CXXC5: variants seen among roughly 807,000 people sequenced by gnomAD.
The protein encoded by CXXC5 is CXXC finger protein 5.
CXXC5 carries 2 observed loss-of-function variants against 17.6 expected under a neutral mutation model. The observed-to-expected ratio is 0.11, with a 90% CI of 0.05 to 0.36. The LOEUF (loss-of-function observed/expected upper bound fraction) is 0.36. CXXC5 is among the 10% of genes least tolerant of loss of function. The pLI is 1.00. For synonymous variants in CXXC5, 171 were observed against 193.0 expected, an observed-to-expected ratio of 0.89 and a Z score of 0.94; for missense variants, 343 against 458.3, an observed-to-expected ratio of 0.75 and a Z score of 2.30.
chr5:139,682,323 A>AGCCCC (rs1561552990), intron 2 of CXXC5, among the ~76,000 whole-genome samples: 1 of 128,270 alleles, frequency 7.8e-6, no homozygotes, highest in Non-Finnish European at 1.6e-5. Context: ...ACCCTCCCCC[A>AGCCCC]ACCCCAGCCC....
intron 1 of CXXC5, among the ~76,000 whole-genome samples, chr5:139,650,780 TC>T (rs1755127349): frequency 6.6e-6 from 1 of 152,124 alleles, no homozygotes; most frequent in Non-Finnish European, 1.5e-5. Context: ...CGAAGCCCCC[TC>T]TAAACCCCTT....
In CXXC5 at chr5:139,670,190, C is replaced by T. The variant is rs957783212; in HGVS notation, c.-160-10174C>T. ...CCTCCCTCCCTCCTCCTCAGCCTCC[C>T]GCCTCTCGCCTGCCTCCCCCACGCC... On this transcript the variant is annotated intron_variant, in intron 1 of 2. Coordinates refer to ENST00000302517, the MANE Select transcript of CXXC5 (RefSeq NM_016463.9). This position sits in a 1 kb window ranked among gnomAD's most constrained non-coding sequence, Gnocchi z 4.2. Among the ~76,000 whole-genome samples, 4 of 152,234 alleles carry T rather than the reference C, an allele frequency of 2.6e-5. No individual in the cohort carries two copies. Among genetic ancestry groups the T allele is most frequent in the East Asian group, 3.8e-4 (2 of 5,196 alleles).
At chr5:139,662,339 C>T (rs1319811176) in intron 1 of CXXC5, among the ~76,000 whole-genome samples, 3 of 152,114 alleles carry the variant, frequency 2.0e-5, no homozygotes, top group South Asian at 2.1e-4. Flanking sequence ...AGGGTATGCC[C>T]TCAGGGAGCC....
chr5:139,649,651 C>G (rs1755060457), intron 1 of CXXC5: 2 of 152,318 alleles, frequency 1.3e-5, no homozygotes. Context: ...CCCTCCTTTC[C>G]CAGCCTTGGG....
At chr5:139,667,823 A>G (rs1264940425) in intron 1 of CXXC5, among the ~76,000 whole-genome samples, 1 of 152,148 alleles carries the variant, frequency 6.6e-6, no homozygotes, top group African/African-American at 2.4e-5. Flanking sequence ...GATCACGCAT[A>G]TGTTGTTCTC....
At chr5:139,682,811 A>C (rs1430964140) in intron 2 of CXXC5, 52 bp from the exon 3 acceptor site, 5 of 1,545,882 alleles carry the variant, frequency 3.2e-6, no homozygotes, top group Non-Finnish European at 4.4e-6. Context: ...CTCCAGGCCT[A>C]CCCGGACCCT....
At chr5:139,655,782 T>G (rs1332149781) in intron 1 of CXXC5, among the ~76,000 whole-genome samples, 2 of 132,376 alleles carry the variant, frequency 1.5e-5, no homozygotes, top group Admixed American at 8.1e-5. Context: ...CGGCCGGCCG[T>G]GAGAGCTGGT....
chr5:139,682,813 C>A (rs767664298), intron 2 of CXXC5, 50 bp from the exon 3 acceptor site: 2 of 1,552,406 alleles, frequency 1.3e-6, no homozygotes, highest in Non-Finnish European at 1.7e-6. Context: ...CCAGGCCTAC[C>A]CGGACCCTGA....
At chr5:139,680,200 T>C (rs1757098006) in intron 1 of CXXC5, among the ~76,000 whole-genome samples, 164 bp from the exon 2 acceptor site, 1 of 152,192 alleles carries the variant, frequency 6.6e-6, no homozygotes, top group Admixed American at 6.5e-5. Flanking sequence ...TTAACTGAGA[T>C]AGTACAAATA....
At chr5:139,654,865 G>A (rs1386025903) in intron 1 of CXXC5, among the ~76,000 whole-genome samples, 1 of 152,212 alleles carries the variant, frequency 6.6e-6, no homozygotes, top group East Asian at 1.9e-4. Context: ...TGACCCAGGT[G>A]GTGAAGCTAG....
chr5:139,663,563 C>A lies in CXXC5; in HGVS notation c.-161+14718C>A, dbSNP rs895219335. Among the ~76,000 whole-genome samples the A allele has an allele frequency of 6.6e-5, 10 of 152,144 alleles. No individual in the cohort carries two copies. The highest frequency in any genetic ancestry group is 2.4e-4 in the African/African-American group (10 of 41,422). On this transcript the variant is annotated intron_variant, in intron 1 of 2. Transcript: ENST00000302517. This position sits in a 1 kb window ranked among gnomAD's most constrained non-coding sequence, Gnocchi z 4.2. ...TTCAGGCTTCTACCACATGTCCATC[C>A]CCCCATGGTCCTGCAGGCTAGACGG...
At chr5:139,667,843 A>T (rs1439384029) in intron 1 of CXXC5, among the ~76,000 whole-genome samples, 1 of 152,174 alleles carries the variant, frequency 6.6e-6, no homozygotes, top group African/African-American at 2.4e-5. Context: ...CGCCATCCTT[A>T]TTATTACTAC....
Position 139,661,035 on chromosome 5 carries a change from GCAGCCGGAGTCTGGGGGACCAGGA to G in CXXC5, c.-161+12196_-161+12219del, listed in dbSNP as rs1044255381. ...TGCAGCCTGGGCCGAGGGGGCCAGG[GCAGCCGGAGTCTGGGGGACCAGGA>G]CAGCCTCCCCCACCTCCGCCCTCAT... On this transcript the variant is annotated intron_variant, in intron 1 of 2. Coordinates refer to ENST00000302517, the MANE Select transcript of CXXC5 (RefSeq NM_016463.9). The surrounding 1 kb of genome is among the most constrained non-coding windows in gnomAD (Gnocchi z 4.7). 1.3e-5 allele frequency among the ~76,000 whole-genome samples: 2 copies of G among 152,180 alleles called. No individual in the cohort carries two copies. Among genetic ancestry groups the G allele is most frequent in the African/African-American group, 2.4e-5 (1 of 41,428 alleles).
Position 139,681,121 on chromosome 5 carries a change from G to C in CXXC5, c.598G>C (p.Glu200Gln), listed in dbSNP as rs762307804. 6.2e-7 allele frequency: 1 copy of C among 1,612,526 alleles called. No individual in the cohort carries two copies. The highest frequency in any genetic ancestry group is 8.5e-7 in the Non-Finnish European group (1 of 1,179,884). ...LPDMEAVAGA[E>Q]ALNGQSDFPY... is the part of the protein sequence containing the mutation. The stretch of plus-strand genomic sequence containing the variant: ...TGACATGGAGGCTGTGGCAGGTGCC[G>C]AAGCCCTCAATGGCCAGTCCGACTT... The change falls in exon 2 of 3, where the codon GAA (glutamate) becomes CAA (glutamine). Residue 200 changes from glutamate to glutamine, a missense_variant. Coordinates refer to ENST00000302517, the MANE Select transcript of CXXC5 (RefSeq NM_016463.9).
chr5:139,678,799 C>A (rs564391614), intron 1 of CXXC5, among the ~76,000 whole-genome samples: 1 of 152,178 alleles, frequency 6.6e-6, no homozygotes, highest in Non-Finnish European at 1.5e-5. Context: ...TGATGGGGCC[C>A]GCCAGATGTG....
upstream of CXXC5, chr5:139,648,300 G>C (rs1338448588): frequency 6.5e-6 from 1 of 153,384 alleles, no homozygotes; most frequent in African/African-American, 2.4e-5. Context: ...GGGTTTTGCC[G>C]GCAGCCCCCG....
chr5:139,666,386 A>G (rs979799190), intron 1 of CXXC5, among the ~76,000 whole-genome samples: 5 of 152,010 alleles, frequency 3.3e-5, no homozygotes, highest in Non-Finnish European at 5.9e-5. Context: ...GAAGACCCCC[A>G]TGCCCCAGGG....
chr5:139,651,813 T>C (rs538329004), intron 1 of CXXC5, among the ~76,000 whole-genome samples: 1 of 152,278 alleles, frequency 6.6e-6, no homozygotes, highest in African/African-American at 2.4e-5. Context: ...CTTGATCATT[T>C]AGTCCGAATT....
intron 1 of CXXC5, among the ~76,000 whole-genome samples, chr5:139,674,073 T>G (rs1360640967): frequency 6.6e-6 from 1 of 152,150 alleles, no homozygotes; most frequent in East Asian, 1.9e-4. Flanking sequence ...CAGGCCACCC[T>G]CTGGGTGCTC....
Sources: allele counts gnomAD v4.1 joint callset (sites outside exome capture counted in the v4.1 genomes callset), GRCh38; gene constraint gnomAD v4.1.1; non-coding constraint Gnocchi (gnomAD v3.1); transcripts MANE v1.5; gene names NCBI Gene and HGNC (gene_info 2026-07-23, HGNC 2026-07-21).